KANSL1L: variants seen among roughly 807,000 people sequenced by gnomAD.
The protein encoded by KANSL1L is KAT8 regulatory NSL complex subunit 1 like.
A neutral mutation model predicts 108.6 loss-of-function variants in KANSL1L; 25 were observed. The ratio of observed to expected loss-of-function variants is 0.23; its 90% CI spans 0.17 to 0.32. The LOEUF (loss-of-function observed/expected upper bound fraction) is 0.32. Among genes scored for constraint, KANSL1L ranks in the 10% least tolerant of loss-of-function variants. The probability of loss-of-function intolerance (pLI) is 1.00; values close to 1 mark genes in which losing one functional copy is unlikely to be tolerated. For missense variants in KANSL1L, 1,137 were observed against 1,125.7 expected (o/e 1.01, Z -0.14); for synonymous variants, 405 against 395.1 (o/e 1.03, Z -0.30).
At chr2:210,151,831 C>T (rs938921537) in intron 2 of KANSL1L, 1 of 152,134 alleles carries the variant, frequency 6.6e-6, no homozygotes, top group Non-Finnish European at 1.5e-5. Context: ...GATATCAGAA[C>T]ACTAGAAGAC....
At chr2:210,062,051 A>G (rs2094425364) in intron 6 of KANSL1L, among the ~76,000 whole-genome samples, 1 of 152,204 alleles carries the variant, frequency 6.6e-6, no homozygotes. Flanking sequence ...ATATATTTAA[A>G]GCATTTAGAA....
At chr2:210,159,993 G>A (rs947388482) in intron 1 of KANSL1L, among the ~76,000 whole-genome samples, 16 of 152,228 alleles carry the variant, frequency 1.1e-4, no homozygotes, top group African/African-American at 3.6e-4. Context: ...CCGAGATCAC[G>A]CCACTGCACT....
chr2:210,139,653 G>A (rs758430736), intron 2 of KANSL1L, among the ~76,000 whole-genome samples: 7 of 151,720 alleles, frequency 4.6e-5, no homozygotes, highest in Non-Finnish European at 7.4e-5. Flanking sequence ...GATGATTAGT[G>A]ATGTTGAGCA....
chr2:210,043,083 AG>A (rs1369383454), intron 7 of KANSL1L, among the ~76,000 whole-genome samples: 1 of 152,158 alleles, frequency 6.6e-6, no homozygotes, highest in Non-Finnish European at 1.5e-5. Context: ...AAGAGTGTAA[AG>A]GTTCCACAAA....
chr2:210,106,074 T>A (rs1261342452), intron 3 of KANSL1L, among the ~76,000 whole-genome samples: 1 of 152,168 alleles, frequency 6.6e-6, no homozygotes, highest in East Asian at 1.9e-4. Context: ...ATAGCCAGTG[T>A]TCTCCCAAGA....
rs755778628 is a variant in KANSL1L at position 210,040,300 on chromosome 2, TAA to T, written c.2029+118_2029+119del. ...TACATGAGTTGTAAAAAGTGAGTAT[TAA>T]AAATTAAGGATTTTCATGTATTCTT... On this transcript the variant is annotated intron_variant, in intron 8 of 14. Transcript: ENST00000281772. 2.6e-5 allele frequency: 17 copies of T among 652,484 alleles called. No homozygotes were observed. In the African/African-American group the frequency reaches 3.0e-4, roughly 12 times the overall value. 40.4% of individuals were successfully genotyped at this position (652,484 alleles called of 1,614,324 possible). A position where few individuals can be genotyped will look rare whatever the true frequency, so the allele number is the denominator to read the frequency against.
intron 6 of KANSL1L, among the ~76,000 whole-genome samples, chr2:210,074,815 T>C (rs545549749): frequency 6.6e-6 from 1 of 152,314 alleles, no homozygotes; most frequent in African/African-American, 2.4e-5. Flanking sequence ...GAAACAATAT[T>C]AAATAGTAGT....
rs1428750688 is a variant in KANSL1L at position 210,153,664 on chromosome 2, C to T, written c.919G>A (p.Asp307Asn). 4 of 1,609,110 alleles carry T rather than the reference C, an allele frequency of 2.5e-6. No individual in the cohort carries two copies. Among genetic ancestry groups the T allele is most frequent in the East Asian group, 4.5e-5 (2 of 44,842 alleles). ...NTLTAENKLW[D>N]DAKNGFARCT... ...CGTGCAAAGCCATTTTTTGCATCATCCCACAATTTATTCTCTGCAGTCAAT... is the reference window on the plus strand; with the variant it reads ...CGTGCAAAGCCATTTTTTGCATCATTCCACAATTTATTCTCTGCAGTCAAT... Residue 307 changes from aspartate to asparagine, a missense_variant, in exon 2 of 15, where the codon GAT becomes AAT. Transcript: ENST00000281772.
chr2:210,046,042 G>T (rs1385806903), intron 6 of KANSL1L, among the ~76,000 whole-genome samples: 2 of 152,090 alleles, frequency 1.3e-5, no homozygotes, highest in Admixed American at 6.5e-5. Flanking sequence ...TCTGACAAAG[G>T]TCTACTTTCT....
chr2:210,087,947 T>C lies in KANSL1L; in HGVS notation c.1550+10139A>G, dbSNP rs138240880. Among the ~76,000 whole-genome samples, 12 of 152,348 alleles carry C rather than the reference T, an allele frequency of 7.9e-5. No individual in the cohort carries two copies. The East Asian group carries it at 2.3e-3, about 29-fold the overall frequency. On this transcript the variant is annotated intron_variant, in intron 5 of 14. Coordinates refer to ENST00000281772, the MANE Select transcript of KANSL1L (RefSeq NM_152519.4). The stretch of plus-strand genomic sequence containing the variant: ...AGCACTTGATCAAGGTTTAAAATTA[T>C]ACATTTGTGTGATCATTTAGGTGGT...
At chr2:210,137,773 G>A (rs1247341929) in intron 2 of KANSL1L, among the ~76,000 whole-genome samples, 3 of 152,144 alleles carry the variant, frequency 2.0e-5, no homozygotes, top group Non-Finnish European at 2.9e-5. Flanking sequence ...GCTCATGCCT[G>A]TAATACCAGC....
chr2:210,029,783 C>T lies in KANSL1L; in HGVS notation c.2271+20G>A. ...TTATTTTTAAAGCTATTTTAGAGTTCAACATATGGAAAAACCTACTCGTGA... is the reference window on the plus strand; with the variant it reads ...TTATTTTTAAAGCTATTTTAGAGTTTAACATATGGAAAAACCTACTCGTGA... On this transcript the variant is annotated intron_variant, in intron 10 of 14. Coordinates refer to ENST00000281772, the MANE Select transcript of KANSL1L (RefSeq NM_152519.4). 8.0e-7 allele frequency: 1 copy of T among 1,254,024 alleles called. No individual in the cohort carries two copies. The highest frequency in any genetic ancestry group is 1.5e-5 in the African/African-American group (1 of 66,822). The allele number at this position is 1,254,024 out of a possible 1,614,324, so 77.7% of individuals were successfully genotyped here. A position where few individuals can be genotyped will look rare whatever the true frequency, so the allele number is the denominator to read the frequency against.
chr2:210,161,193 G>A (rs372693169), intron 1 of KANSL1L, among the ~76,000 whole-genome samples: 1 of 151,866 alleles, frequency 6.6e-6, no homozygotes, highest in African/African-American at 2.4e-5. Flanking sequence ...TCACCATGTT[G>A]GCCAGGCTGG....
At chr2:210,028,754 G>T in intron 11 of KANSL1L, 91 bp downstream of exon 11, 1 of 944,682 alleles carries the variant, frequency 1.1e-6, no homozygotes, top group Non-Finnish European at 1.6e-6. Context: ...GGAGAAGGAT[G>T]CTCCTTTCAT....
intron 2 of KANSL1L, among the ~76,000 whole-genome samples, chr2:210,130,478 T>C (rs953901619): frequency 1.3e-5 from 2 of 152,192 alleles, no homozygotes; most frequent in African/African-American, 4.8e-5. Context: ...ATAGAATTTA[T>C]TCATTATAAC....
At chr2:210,047,158 T>C (rs1400886617) in intron 6 of KANSL1L, among the ~76,000 whole-genome samples, 1 of 152,254 alleles carries the variant, frequency 6.6e-6, no homozygotes, top group East Asian at 1.9e-4. Flanking sequence ...TGATTGATAC[T>C]AATCTCTTTA....
intron 6 of KANSL1L, among the ~76,000 whole-genome samples, chr2:210,054,754 G>A (rs548824629): frequency 5.1e-4 from 77 of 151,930 alleles, no homozygotes; most frequent in Non-Finnish European, 9.7e-4. Flanking sequence ...AGGGAAGAAG[G>A]AAGGGTAGGA....
At chr2:210,124,616 C>A (rs1002661469) in intron 3 of KANSL1L, among the ~76,000 whole-genome samples, 3 of 150,836 alleles carry the variant, frequency 2.0e-5, no homozygotes, top group Non-Finnish European at 4.4e-5. Flanking sequence ...ACAATTTAAA[C>A]CAAAAGCTAG....
chr2:210,028,555 C>T (rs948227532), intron 11 of KANSL1L: 1 of 202,108 alleles, frequency 4.9e-6, no homozygotes, highest in East Asian at 1.2e-4. Context: ...CACTAAAGTA[C>T]CTTTTAGTGT....
Sources: gnomAD v4.1 joint callset for allele counts (sites outside exome capture counted in the v4.1 genomes callset) on GRCh38, gnomAD v4.1.1 for gene constraint, MANE v1.5 for transcripts, NCBI Gene and HGNC (gene_info 2026-07-23, HGNC 2026-07-21) for gene names.